The following DST variants were observed in gnomAD, a reference collection of about 807,000 sequenced individuals.
The protein encoded by DST is bullous pemphigoid antigen.
Under a neutral mutation model 875.2 loss-of-function variants are expected in DST, and 253 were observed. That is an observed-to-expected ratio of 0.29 (90% CI 0.26 to 0.32). The LOEUF is 0.32. Ranked by LOEUF, DST falls within the 10% of genes least tolerant of loss-of-function variation. DST has a pLI of 1.00. For missense variants in DST, 8,287 were observed against 9,111.6 expected (o/e 0.91, Z 3.68); for synonymous variants, 3,124 against 3,197.1 (o/e 0.98, Z 0.77).
At chr6:56,647,151 AT>A (rs2098947652) in intron 13 of DST, among the ~76,000 whole-genome samples, 1 of 152,246 alleles carries the variant, frequency 6.6e-6, no homozygotes, top group Admixed American at 6.5e-5. Flanking sequence ...AAATAAGTGT[AT>A]TTGAACATGA....
At chr6:56,618,687 G>C (rs1176974912) in intron 36 of DST, 1 of 1,613,544 alleles carries the variant, frequency 6.2e-7, no homozygotes, top group Non-Finnish European at 8.5e-7. Flanking sequence ...TTTTCTTGTT[G>C]AAGAGACACA....
At chr6:56,570,943 T>G (rs2097771370) in intron 53 of DST, among the ~76,000 whole-genome samples, 1 of 152,210 alleles carries the variant, frequency 6.6e-6, no homozygotes, top group Non-Finnish European at 1.5e-5. Flanking sequence ...TGCCACCTAC[T>G]GGTTTCTACA....
chr6:56,460,096 A>G (rs376464125), intron 103 of DST, 35 bp downstream of exon 103: 3 of 1,579,362 alleles, frequency 1.9e-6, no homozygotes, highest in East Asian at 2.3e-5. Context: ...ACCATGCTGC[A>G]AAAGCCATTG....
At chr6:56,715,135 T>C (rs987073396) in intron 5 of DST, among the ~76,000 whole-genome samples, 2 of 152,152 alleles carry the variant, frequency 1.3e-5, no homozygotes, top group Non-Finnish European at 2.9e-5. Flanking sequence ...CACTCAGCTG[T>C]GGGCTCTTGA....
intron 4 of DST, among the ~76,000 whole-genome samples, chr6:56,764,607 T>C (rs2099628007): frequency 6.6e-6 from 1 of 152,060 alleles, no homozygotes; most frequent in Admixed American, 6.6e-5. Context: ...GACATTCAAA[T>C]ATTTATGGGA....
At chr6:56,843,016 A>T in intron 4 of DST, 3 of 1,380,776 alleles carry the variant, frequency 2.2e-6, no homozygotes, top group Non-Finnish European at 2.9e-6. Context: ...CTCTCTGATC[A>T]GTGCCAAGCT....
chr6:56,538,342 T>C (rs1027076062), intron 61 of DST, among the ~76,000 whole-genome samples: 1 of 152,134 alleles, frequency 6.6e-6, no homozygotes, highest in African/African-American at 2.4e-5. Flanking sequence ...AAATAAATTA[T>C]TGGAACTAAG....
intron 5 of DST, among the ~76,000 whole-genome samples, chr6:56,709,296 C>T (rs1319126637): frequency 2.0e-5 from 3 of 152,114 alleles, no homozygotes; most frequent in South Asian, 2.1e-4. Context: ...AAGATGCTGG[C>T]GATGACATGG....
intron 72 of DST, among the ~76,000 whole-genome samples, chr6:56,512,026 C>T (rs1240796646): frequency 2.0e-5 from 3 of 151,996 alleles, no homozygotes; most frequent in Non-Finnish European, 1.5e-5. Context: ...ACATGTATTA[C>T]ATTTTATATT....
At chr6:56,851,264 C>A (rs1765076873) in intron 4 of DST, 133 bp downstream of exon 4, 3 of 813,154 alleles carry the variant, frequency 3.7e-6, no homozygotes, top group Non-Finnish European at 5.8e-6. Context: ...TAAACATGGT[C>A]ATCATCCTCC....
intron 2 of DST, among the ~76,000 whole-genome samples, chr6:56,952,570 A>T (rs1291513915): frequency 6.6e-6 from 1 of 152,198 alleles, no homozygotes; most frequent in Non-Finnish European, 1.5e-5. Context: ...ATTATCGTTT[A>T]TTTTTATACA....
chr6:56,796,444 G>A (rs948557478), intron 4 of DST, among the ~76,000 whole-genome samples: 11 of 152,138 alleles, frequency 7.2e-5, no homozygotes, highest in Non-Finnish European at 2.9e-5. Context: ...TGGTAGAAAC[G>A]GTGAGAGTGA....
chr6:56,678,045 G>T (rs2099139171), intron 9 of DST, among the ~76,000 whole-genome samples: 1 of 152,202 alleles, frequency 6.6e-6, no homozygotes, highest in Non-Finnish European at 1.5e-5. Context: ...AAAACCAGTG[G>T]TTTTCAAATC....
intron 10 of DST, among the ~76,000 whole-genome samples, chr6:56,653,130 A>T (rs2098985439): frequency 6.6e-6 from 1 of 152,238 alleles, no homozygotes; most frequent in South Asian, 2.1e-4. Flanking sequence ...GTAAACACTG[A>T]GTAATCCTAG....
At chr6:56,470,627 C>G (rs1425747695) in intron 95 of DST, among the ~76,000 whole-genome samples, 5 of 151,796 alleles carry the variant, frequency 3.3e-5, no homozygotes, top group South Asian at 2.1e-4. Flanking sequence ...AAATCACATA[C>G]AAATGATTGG....
intron 2 of DST, among the ~76,000 whole-genome samples, chr6:56,951,509 A>G (rs1408940737): frequency 6.6e-6 from 1 of 152,254 alleles, no homozygotes; most frequent in African/African-American, 2.4e-5. Flanking sequence ...GTATTTCTCA[A>G]AGAGAAAATC....
At chr6:56,898,008 T>A (rs1313927880) in intron 3 of DST, among the ~76,000 whole-genome samples, 1 of 152,188 alleles carries the variant, frequency 6.6e-6, no homozygotes, top group African/African-American at 2.4e-5. Context: ...TATAGGCTGA[T>A]GAAGCACCTT....
rs991498826 is a variant in DST at position 56,714,325 on chromosome 6, G to A, written c.688-9956C>T. On this transcript the variant is annotated intron_variant, in intron 5 of 103. Transcript: ENST00000680361. This position sits in a 1 kb window ranked among gnomAD's most constrained non-coding sequence, Gnocchi z 4.5. ...TGCAACAGAAATATACTTTCTGTAGGAGGATTAAAAGTTTCAAAGTGATCA... is the reference window on the plus strand; with the variant it reads ...TGCAACAGAAATATACTTTCTGTAGAAGGATTAAAAGTTTCAAAGTGATCA... 1.3e-5 allele frequency among the ~76,000 whole-genome samples: 2 copies of A among 152,132 alleles called. No homozygotes were observed. The highest frequency in any genetic ancestry group is 6.5e-5 in the Admixed American group (1 of 15,270).
chr6:56,744,941 T>C (rs903210184), intron 4 of DST, among the ~76,000 whole-genome samples: 1 of 152,226 alleles, frequency 6.6e-6, no homozygotes, highest in African/African-American at 2.4e-5. Context: ...TCTATTAGTA[T>C]AGACGTACAA....
Sources: gnomAD v4.1 joint callset for allele counts (sites outside exome capture counted in the v4.1 genomes callset) on GRCh38, gnomAD v4.1.1 for gene constraint, Gnocchi (gnomAD v3.1) non-coding constraint, MANE v1.5 for transcripts, NCBI Gene and HGNC (gene_info 2026-07-23, HGNC 2026-07-21) for gene names.